PDE4D: variants seen among roughly 807,000 people sequenced by gnomAD.
PDE4D encodes phosphodiesterase 4D, also known as 3',5'-cyclic-AMP phosphodiesterase 4D.
In PDE4D, 24 loss-of-function variants were observed where a neutral mutation model predicts 87.4. The observed-to-expected ratio is 0.27, with a 90% CI of 0.20 to 0.39. The LOEUF (loss-of-function observed/expected upper bound fraction) is 0.39. Among genes scored for constraint, PDE4D ranks in the 10% least tolerant of loss-of-function variants. PDE4D has a pLI of 1.00. For synonymous variants in PDE4D, 384 were observed against 383.2 expected (o/e 1.00, Z -0.02); for missense variants, 714 against 1,041.0 (o/e 0.69, Z 4.32).
intron 1 of PDE4D, among the ~76,000 whole-genome samples, chr5:60,240,841 C>G (rs1384977968): frequency 6.6e-6 from 1 of 152,104 alleles, no homozygotes; most frequent in Non-Finnish European, 1.5e-5. Flanking sequence ...ACCCCCGATG[C>G]AGATATGGCT....
chr5:59,507,972 T>C (rs1809585847), intron 1 of PDE4D, among the ~76,000 whole-genome samples: 3 of 152,192 alleles, frequency 2.0e-5, no homozygotes, highest in Admixed American at 1.3e-4. Flanking sequence ...CCTCTTATGG[T>C]ATAATTCAAC....
At chr5:60,260,337 T>C (rs1583238003) in intron 1 of PDE4D, among the ~76,000 whole-genome samples, 1 of 152,132 alleles carries the variant, frequency 6.6e-6, no homozygotes, top group South Asian at 2.1e-4. Context: ...TACTGAGTCA[T>C]ATCCATGCTA....
chr5:60,296,496 G>A (rs1017306428), intron 1 of PDE4D, among the ~76,000 whole-genome samples: 24 of 152,048 alleles, frequency 1.6e-4, no homozygotes, highest in Non-Finnish European at 5.9e-5. Flanking sequence ...ACACACATAC[G>A]TATCCACACA....
intron 2 of PDE4D, among the ~76,000 whole-genome samples, chr5:60,167,828 A>G (rs1001798038): frequency 6.6e-6 from 1 of 152,142 alleles, no homozygotes; most frequent in Non-Finnish European, 1.5e-5. Context: ...TTTAAGGTCA[A>G]TCACTGGTGC....
At chr5:60,126,591 A>G (rs1779141933) in intron 2 of PDE4D, among the ~76,000 whole-genome samples, 1 of 152,220 alleles carries the variant, frequency 6.6e-6, no homozygotes, top group South Asian at 2.1e-4. Flanking sequence ...GTCTGAAACA[A>G]AATGGCACAC....
Position 60,355,197 on chromosome 5 carries a change from T to C in PDE4D, c.-90+132745A>G, listed in dbSNP as rs995457819. Among the ~76,000 whole-genome samples, 29 of 152,298 alleles carry C rather than the reference T, an allele frequency of 1.9e-4. 1 individual carries two copies. The highest frequency in any genetic ancestry group is 1.7e-3 in the Admixed American group (26 of 15,290). ...AAAGTAAAAACAAGTCAAGGTGTAATAGTCAGGAGACCAAACCTAAGGAAG... is the reference window on the plus strand; with the variant it reads ...AAAGTAAAAACAAGTCAAGGTGTAACAGTCAGGAGACCAAACCTAAGGAAG... On this transcript the variant is annotated intron_variant, in intron 1 of 16. Coordinates refer to the PDE4D transcript ENST00000502484.
At chr5:59,965,916 G>T (rs1298930028) in intron 3 of PDE4D, among the ~76,000 whole-genome samples, 1 of 152,150 alleles carries the variant, frequency 6.6e-6, no homozygotes, top group Non-Finnish European at 1.5e-5. Context: ...TGGCCCACAG[G>T]CTGTAGTGTG....
intron 1 of PDE4D, among the ~76,000 whole-genome samples, chr5:60,449,053 ACCC>A (rs902380917): frequency 1.9e-5 from 1 of 53,850 alleles, no homozygotes; most frequent in Non-Finnish European, 3.7e-5. Flanking sequence ...CCCTTCACCC[ACCC>A]CCCCAACTGC....
chr5:59,040,534 G>T (rs930068318), intron 5 of PDE4D, among the ~76,000 whole-genome samples: 6 of 152,174 alleles, frequency 3.9e-5, no homozygotes, highest in African/African-American at 1.4e-4. Flanking sequence ...TGAGAAAACG[G>T]AAAGACCATA....
intron 1 of PDE4D, among the ~76,000 whole-genome samples, chr5:59,439,446 G>A (rs1033129703): frequency 6.6e-6 from 1 of 151,704 alleles, no homozygotes. Flanking sequence ...AAATGGCTTC[G>A]GTAACCCTGG....
chr5:60,001,655 T>TA (rs1230666969), intron 2 of PDE4D, among the ~76,000 whole-genome samples: 1 of 151,996 alleles, frequency 6.6e-6, no homozygotes, highest in South Asian at 2.1e-4. Flanking sequence ...GAATAAAAGT[T>TA]AAAAGGTAAA....
intron 1 of PDE4D, among the ~76,000 whole-genome samples, chr5:59,498,011 G>A (rs1006124395): frequency 1.3e-5 from 2 of 151,734 alleles, no homozygotes; most frequent in Non-Finnish European, 2.9e-5. Flanking sequence ...AGAGATTGGG[G>A]GACTATTTTT....
intron 2 of PDE4D, among the ~76,000 whole-genome samples, chr5:60,161,055 T>C (rs771293371): frequency 2.0e-5 from 3 of 152,208 alleles, no homozygotes; most frequent in African/African-American, 4.8e-5. Flanking sequence ...TTAATTGACA[T>C]AGAATTTTCT....
intron 1 of PDE4D, among the ~76,000 whole-genome samples, chr5:59,834,052 C>T (rs1481587973): frequency 6.6e-6 from 1 of 151,928 alleles, no homozygotes; most frequent in Non-Finnish European, 1.5e-5. Flanking sequence ...TGGAGACTGC[C>T]CTACAGAATT....
At chr5:58,988,725 G>A in intron 10 of PDE4D, 133 bp from the exon 11 acceptor site, 3 of 426,924 alleles carry the variant, frequency 7.0e-6, no homozygotes, top group Non-Finnish European at 1.2e-5. Context: ...AATGTGTCAA[G>A]GGAGAGTCTT....
intron 1 of PDE4D, among the ~76,000 whole-genome samples, chr5:60,464,430 T>C (rs1747189581): frequency 6.6e-6 from 1 of 152,176 alleles, no homozygotes; most frequent in Non-Finnish European, 1.5e-5. Context: ...AATCCAGTCA[T>C]CACTCTGGAT....
At chr5:60,085,988 A>G (rs563436033) in intron 2 of PDE4D, among the ~76,000 whole-genome samples, 1 of 152,342 alleles carries the variant, frequency 6.6e-6, no homozygotes, top group East Asian at 1.9e-4. Context: ...TTTTAAAAGC[A>G]TATCCTCTGA....
chr5:59,745,565 G>T (rs1006298690), intron 1 of PDE4D, among the ~76,000 whole-genome samples: 2 of 152,130 alleles, frequency 1.3e-5, no homozygotes, highest in Admixed American at 1.3e-4. Context: ...AAGAGCAAAT[G>T]CACAAAAGCA....
chr5:60,078,549 C>A (rs2152901716), intron 2 of PDE4D, among the ~76,000 whole-genome samples: 1 of 152,262 alleles, frequency 6.6e-6, no homozygotes, highest in East Asian at 1.9e-4. Context: ...AATCCCCTCC[C>A]CAGAACAGGC....
Sources: gnomAD v4.1 joint callset for allele counts (sites outside exome capture counted in the v4.1 genomes callset) on GRCh38, gnomAD v4.1.1 for gene constraint, MANE v1.5 for transcripts, NCBI Gene and HGNC (gene_info 2026-07-23, HGNC 2026-07-21) for gene names.